The following GALR1 variants were observed in gnomAD, a reference collection of about 807,000 sequenced individuals.
GALR1 encodes the protein galanin receptor type 1.
Under a neutral mutation model 17.9 loss-of-function variants are expected in GALR1, and 11 were observed. The ratio of observed to expected loss-of-function variants is 0.62; its 90% confidence interval spans 0.39 to 1.02. The LOEUF (loss-of-function observed/expected upper bound fraction) is 1.02, where lower values mean the gene tolerates loss of function less well. Ranked by LOEUF, GALR1 falls within the 50% of genes least tolerant of loss-of-function variation. The pLI, the probability that GALR1 is intolerant of heterozygous loss-of-function variation, is 0.01. For synonymous variants in GALR1, 206 were observed against 205.7 expected (o/e 1.00, Z -0.01); for missense variants, 441 against 456.9 (o/e 0.97, Z 0.32).
Position 77,271,395 on chromosome 18 carries a change from G to A in GALR1, c.*2493G>A, listed in dbSNP as rs114283138. On this transcript the variant is annotated 3_prime_UTR_variant, in exon 3 of 3. Coordinates refer to ENST00000299727, the MANE Select transcript of GALR1 (RefSeq NM_001480.4). Reference sequence around the variant, plus strand: ...TCTACTTCTAAAACAAATTTTGATAGGGATAATGACATCTTCTGCAAAGAT... The same window carrying A: ...TCTACTTCTAAAACAAATTTTGATAAGGATAATGACATCTTCTGCAAAGAT... 1.8e-4 allele frequency: 27 copies of A among 152,226 alleles called. No individual in the cohort carries two copies. Among genetic ancestry groups the A allele is most frequent in the African/African-American group, 6.0e-4 (25 of 41,526 alleles). The allele number at this position is 152,226 out of a possible 1,614,324, so 9.4% of individuals were successfully genotyped here. A position where few individuals can be genotyped will look rare whatever the true frequency, so the allele number is the denominator to read the frequency against.
intron 1 of GALR1, among the ~76,000 whole-genome samples, chr18:77,255,084 C>T (rs1338032080): frequency 6.6e-6 from 1 of 152,190 alleles, no homozygotes; most frequent in Non-Finnish European, 1.5e-5. Context: ...TATTTCCATG[C>T]TACAGGGAAC....
At chr18:77,264,846 G>C (rs945730643) in intron 2 of GALR1, among the ~76,000 whole-genome samples, 11 of 152,180 alleles carry the variant, frequency 7.2e-5, no homozygotes, top group African/African-American at 2.7e-4. Flanking sequence ...CATGAGAATA[G>C]CATGAAGGTA....
In GALR1 at chr18:77,274,726, A is replaced by T. The variant is rs549038500; in HGVS notation, c.*5824A>T. The T allele has an allele frequency of 6.6e-6, 1 of 152,272 alleles. No individual in the cohort carries two copies. Among genetic ancestry groups the T allele is most frequent in the East Asian group, 1.9e-4 (1 of 5,178 alleles). The allele number at this position is 152,272 out of a possible 1,614,324, so 9.4% of individuals were successfully genotyped here. ...GATTCTTACCTCCATTGGCCTTTGG[A>T]TGTCTGCGTAATAATTTGTTGAGAA... is the stretch of plus-strand genomic sequence containing the variant. On this transcript the variant is annotated 3_prime_UTR_variant, in exon 3 of 3. Coordinates refer to ENST00000299727, the MANE Select transcript of GALR1 (RefSeq NM_001480.4).
rs1218176830 is a variant in GALR1 at position 77,271,154 on chromosome 18, C to T, written c.*2252C>T. 3.3e-5 allele frequency: 5 copies of T among 151,342 alleles called. No individual in the cohort carries two copies. The highest frequency in any genetic ancestry group is 1.9e-4 in the East Asian group (1 of 5,160). The allele number at this position is 151,342 out of a possible 1,614,324, so 9.4% of individuals were successfully genotyped here. A position where few individuals can be genotyped will look rare whatever the true frequency, so the allele number is the denominator to read the frequency against. ...ATGTTGCTATTTTCTAGAGGCATGC[C>T]GAAAATGTGCTGTGCCTTTGGTCCT... On this transcript the variant is annotated 3_prime_UTR_variant, in exon 3 of 3. Transcript: ENST00000299727.
chr18:77,268,386 A>G (rs1295082016), intron 2 of GALR1, among the ~76,000 whole-genome samples, 199 bp from the exon 3 acceptor site: 2 of 152,246 alleles, frequency 1.3e-5, no homozygotes, highest in Admixed American at 6.5e-5. Context: ...GAACAAAATT[A>G]TTATGGGGAG....
In GALR1 at chr18:77,250,518, C is replaced by T. The variant is rs142660460; in HGVS notation, c.-31C>T. 4 of 1,431,860 alleles carry T rather than the reference C, an allele frequency of 2.8e-6. No homozygotes were observed. Among genetic ancestry groups the T allele is most frequent in the Non-Finnish European group, 3.6e-6 (4 of 1,104,252 alleles). 88.7% of individuals were successfully genotyped at this position (1,431,860 alleles called of 1,614,324 possible). On this transcript the variant is annotated 5_prime_UTR_variant, in exon 1 of 3. Coordinates refer to ENST00000299727, the MANE Select transcript of GALR1 (RefSeq NM_001480.4). ...TATCCCGCCCTCCCTCCCCGCGCGC[C>T]CCGCCGCTCGCCGGGACAGCCCCGC...
At position 77,268,980 on chromosome 18, in the gene GALR1, G is replaced by A. The variant is rs1913006595; in HGVS notation, c.*78G>A. On this transcript the variant is annotated 3_prime_UTR_variant, in exon 3 of 3. Coordinates refer to ENST00000299727, the MANE Select transcript of GALR1 (RefSeq NM_001480.4). ...AGAAACAAACAGAATGAGCTAGTAA[G>A]CGATGCTGCAACTTGTTATCTTAAC... 1.9e-6 allele frequency: 2 copies of A among 1,050,804 alleles called. No individual in the cohort carries two copies. Among genetic ancestry groups the A allele is most frequent in the Admixed American group, 2.2e-5 (1 of 45,384 alleles). 65.1% of individuals were successfully genotyped at this position (1,050,804 alleles called of 1,614,324 possible).
chr18:77,271,852 A>G lies in GALR1; in HGVS notation c.*2950A>G, dbSNP rs1320917643. The G allele has an allele frequency of 6.6e-6, 1 of 152,228 alleles. No homozygotes were observed. The highest frequency in any genetic ancestry group is 1.5e-5 in the Non-Finnish European group (1 of 68,044). The allele number at this position is 152,228 out of a possible 1,614,324, so 9.4% of individuals were successfully genotyped here. On this transcript the variant is annotated 3_prime_UTR_variant, in exon 3 of 3. Transcript: ENST00000299727. ...TGCTTGCTGTTTCACATGCATAAGCAACCATTTCAGTGTCCTGCTGATGAA... is the reference window on the plus strand; with the variant it reads ...TGCTTGCTGTTTCACATGCATAAGCGACCATTTCAGTGTCCTGCTGATGAA...
rs1476202769 is a variant in GALR1 at position 77,275,425 on chromosome 18, G to C, written c.*6523G>C. ...AAGGAGATTTGAGCAGGTGAATGGA[G>C]TTTCTGTCATTCCTGGTCTAGAGTT... On this transcript the variant is annotated 3_prime_UTR_variant, in exon 3 of 3. Transcript: ENST00000299727. The C allele has an allele frequency of 2.0e-5, 3 of 152,240 alleles. No individual in the cohort carries two copies. Among genetic ancestry groups the C allele is most frequent in the Non-Finnish European group, 4.4e-5 (3 of 68,068 alleles). The allele number at this position is 152,240 out of a possible 1,614,324, so 9.4% of individuals were successfully genotyped here.
At chr18:77,252,998 C>CCACCACCAT (rs1912499643) in intron 1 of GALR1, among the ~76,000 whole-genome samples, 3 of 56,024 alleles carry the variant, frequency 5.4e-5, no homozygotes, top group East Asian at 5.7e-4. Flanking sequence ...ATCACCACCA[C>CCACCACCAT]CACCACCACC....
chr18:77,251,049 C>A lies in GALR1; in HGVS notation c.501C>A (p.Ala167=). The change falls in exon 1 of 3, where the codon GCC becomes GCA. Residue 167 remains alanine, a synonymous_variant. Coordinates refer to ENST00000299727, the MANE Select transcript of GALR1 (RefSeq NM_001480.4). ...GCIWALSIAM[A]SPVAYHQGLF... ...TCTGGGCGCTGTCCATTGCCATGGC[C>A]TCGCCCGTGGCCTACCACCAGGGCC... 1.2e-6 allele frequency: 2 copies of A among 1,607,280 alleles called. No homozygotes were observed. The highest frequency in any genetic ancestry group is 1.7e-6 in the Non-Finnish European group (2 of 1,179,894).
chr18:77,268,701 C>T lies in GALR1; in HGVS notation c.849C>T (p.Leu283=). The change falls in exon 3 of 3, where the codon CTC becomes CTT. Residue 283 remains leucine, a synonymous_variant. Transcript: ENST00000299727. ...TCCCGCTGACGCCGGCTTCCTTCCT[C>T]TTCAGAATCACCGCCCACTGCCTGG... ...GVFPLTPASF[L]FRITAHCLAY... is the part of the protein sequence containing the mutation. The T allele has an allele frequency of 6.2e-7, 1 of 1,614,206 alleles. No individual in the cohort carries two copies. The highest frequency in any genetic ancestry group is 1.1e-5 in the South Asian group (1 of 91,086).
rs1452032361 is a variant in GALR1, at chr18:77,277,042, G to T, written c.*8140G>T. 6.6e-6 allele frequency: 1 copy of T among 152,172 alleles called. No individual in the cohort carries two copies. The highest frequency in any genetic ancestry group is 1.5e-5 in the Non-Finnish European group (1 of 68,018). 9.4% of individuals were successfully genotyped at this position (152,172 alleles called of 1,614,324 possible). ...TTAGATGTGAAGTTTTGAACCCAGTGTTTAAACTCAGTGTTTAAATATTTG... is the reference window on the plus strand; with the variant it reads ...TTAGATGTGAAGTTTTGAACCCAGTTTTTAAACTCAGTGTTTAAATATTTG... On this transcript the variant is annotated 3_prime_UTR_variant, in exon 3 of 3. Coordinates refer to ENST00000299727, the MANE Select transcript of GALR1 (RefSeq NM_001480.4).
At position 77,268,570 on chromosome 18, in the gene GALR1, C is replaced by G. The variant is rs1001091488; in HGVS notation, c.733-15C>G. The G allele has an allele frequency of 1.3e-6, 2 of 1,592,320 alleles. No individual in the cohort carries two copies. Among genetic ancestry groups the G allele is most frequent in the Non-Finnish European group, 1.7e-6 (2 of 1,164,524 alleles). ...TCCTCCTCCTCCTCCTCCTCCTCCT[C>G]TTCTTCTTTTCTAGACTGCACAGAC... On this transcript the variant is annotated splice_polypyrimidine_tract_variant and intron_variant, in intron 2 of 2. Coordinates refer to ENST00000299727, the MANE Select transcript of GALR1 (RefSeq NM_001480.4).
chr18:77,266,884 A>T (rs1425382233), intron 2 of GALR1, among the ~76,000 whole-genome samples: 1 of 152,192 alleles, frequency 6.6e-6, no homozygotes, highest in Non-Finnish European at 1.5e-5. Flanking sequence ...TCAAGATGAG[A>T]GCTGGGTGGG....
rs1232828716 is a variant in GALR1, at chr18:77,273,026, G to A, written c.*4124G>A. The A allele has an allele frequency of 2.0e-5, 3 of 152,204 alleles. No homozygotes were observed. Among genetic ancestry groups the A allele is most frequent in the African/African-American group, 7.2e-5 (3 of 41,448 alleles). 9.4% of individuals were successfully genotyped at this position (152,204 alleles called of 1,614,324 possible). A position where few individuals can be genotyped will look rare whatever the true frequency, so the allele number is the denominator to read the frequency against. ...GCATTAGCAGGATGTTTTGTTCATC[G>A]ACTTGTGAAAGTGCTGTGGATAATA... On this transcript the variant is annotated 3_prime_UTR_variant, in exon 3 of 3. Transcript: ENST00000299727.
At chr18:77,260,064 C>G (rs368124885) in intron 2 of GALR1, among the ~76,000 whole-genome samples, 4 of 152,228 alleles carry the variant, frequency 2.6e-5, no homozygotes, top group East Asian at 3.9e-4. Flanking sequence ...GTAAAGTTCC[C>G]TTTCTCAGCT....
At chr18:77,266,693 T>C (rs1474253446) in intron 2 of GALR1, among the ~76,000 whole-genome samples, 2 of 152,178 alleles carry the variant, frequency 1.3e-5, no homozygotes, top group Non-Finnish European at 2.9e-5. Context: ...CATGTCCTTC[T>C]TCACATGGCA....
At chr18:77,262,142 AG>A (rs1239114324) in intron 2 of GALR1, among the ~76,000 whole-genome samples, 1 of 152,042 alleles carries the variant, frequency 6.6e-6, no homozygotes, top group Non-Finnish European at 1.5e-5. Flanking sequence ...CTTTTTAAAA[AG>A]GCAGATTCCT....
Sources: gnomAD v4.1 joint callset for allele counts (sites outside exome capture counted in the v4.1 genomes callset) on GRCh38, gnomAD v4.1.1 for gene constraint, MANE v1.5 for transcripts, NCBI Gene and HGNC (gene_info 2026-07-23, HGNC 2026-07-21) for gene names.